The following HS3ST5 variants were observed in gnomAD, a reference collection of about 807,000 sequenced individuals.
HS3ST5 encodes heparan sulfate-glucosamine 3-sulfotransferase 5.
A neutral mutation model predicts 25.4 loss-of-function variants in HS3ST5; 10 were observed. The ratio of observed to expected loss-of-function variants is 0.39; its 90% CI spans 0.24 to 0.67. The LOEUF is 0.67. Among genes scored for constraint, HS3ST5 ranks in the 30% least tolerant of loss-of-function variants. HS3ST5 has a pLI of 0.44. For missense variants in HS3ST5, 324 were observed against 420.7 expected, an observed-to-expected ratio of 0.77 and a Z score of 2.01; for synonymous variants, 170 against 162.4, an observed-to-expected ratio of 1.05 and a Z score of -0.36.
chr6:114,200,485 C>T (rs1213733811), intron 2 of HS3ST5, among the ~76,000 whole-genome samples: 1 of 152,194 alleles, frequency 6.6e-6, no homozygotes, highest in African/African-American at 2.4e-5. Context: ...TAACGAGCAT[C>T]ACATTTTGGT....
chr6:114,248,217 A>AAAAAAT lies in HS3ST5; in HGVS notation c.-338-19440_-338-19439insATTTTT, dbSNP rs779273890. 7.7e-5 allele frequency among the ~76,000 whole-genome samples: 11 copies of AAAAAAT among 143,154 alleles called. No individual in the cohort carries two copies. The South Asian group carries it at 1.7e-3, about 23-fold the overall frequency. The allele number at this position is 143,154 out of a possible 152,430, so 93.9% of individuals were successfully genotyped here. On this transcript the variant is annotated intron_variant, in intron 1 of 4. Transcript: ENST00000312719. ...TTCCATCTCAAAAAATGAAAAAAAAAATATATATATATATATATATAAAAT... is the reference window on the plus strand; with the variant it reads ...TTCCATCTCAAAAAATGAAAAAAAAAAAAAATATATATATATATATATATATAAAAT...
intron 3 of HS3ST5, among the ~76,000 whole-genome samples, chr6:114,080,711 A>G (rs961275531): frequency 3.9e-5 from 6 of 152,216 alleles, no homozygotes; most frequent in African/African-American, 1.4e-4. Context: ...TGTCTCACTT[A>G]TAAGTGGGAG....
intron 2 of HS3ST5, among the ~76,000 whole-genome samples, chr6:114,222,483 A>G (rs1273908084): frequency 6.6e-6 from 1 of 151,878 alleles, no homozygotes; most frequent in Admixed American, 6.6e-5. Flanking sequence ...TCACTGTACA[A>G]TGCACAACTC....
intron 3 of HS3ST5, among the ~76,000 whole-genome samples, chr6:114,128,940 G>A (rs908546308): frequency 4.6e-5 from 7 of 152,186 alleles, no homozygotes; most frequent in Non-Finnish European, 1.0e-4. Context: ...AAAAGCTGCT[G>A]ATAAATTCTC....
At chr6:114,140,862 A>G (rs1777869707) in intron 3 of HS3ST5, among the ~76,000 whole-genome samples, 1 of 152,164 alleles carries the variant, frequency 6.6e-6, no homozygotes, top group Non-Finnish European at 1.5e-5. Flanking sequence ...CTAGTTATGT[A>G]ATTTTTTTTT....
intron 3 of HS3ST5, among the ~76,000 whole-genome samples, chr6:114,106,379 A>G (rs944604959): frequency 6.6e-6 from 1 of 152,136 alleles, no homozygotes; most frequent in Non-Finnish European, 1.5e-5. Context: ...TTAGCATTCC[A>G]TAAATGTTCC....
At chr6:114,341,184 G>GAGAGAA (rs1402737389) in intron 1 of HS3ST5, among the ~76,000 whole-genome samples, 16 of 136,056 alleles carry the variant, frequency 1.2e-4, no homozygotes, top group African/African-American at 4.3e-4. Flanking sequence ...GGGAGAGGGA[G>GAGAGAA]AGGGAGAGGG....
chr6:114,058,220 C>T (rs778722068), intron 4 of HS3ST5, 30 bp from the exon 5 acceptor site: 6 of 1,518,210 alleles, frequency 4.0e-6, no homozygotes, highest in South Asian at 1.2e-5. Flanking sequence ...ACTTTAAGCT[C>T]ATTGCAACTA....
At chr6:114,255,278 C>A (rs1407253953) in intron 1 of HS3ST5, among the ~76,000 whole-genome samples, 1 of 152,244 alleles carries the variant, frequency 6.6e-6, no homozygotes, top group Non-Finnish European at 1.5e-5. Context: ...ACATCCAGGT[C>A]ACACTGATGT....
chr6:114,271,911 C>G (rs1344597273), intron 1 of HS3ST5, among the ~76,000 whole-genome samples: 2 of 152,048 alleles, frequency 1.3e-5, no homozygotes, highest in African/African-American at 2.4e-5. Context: ...TTCTTTTTCT[C>G]AAATCTTCCA....
At chr6:114,060,991 C>G (rs1773085382) in intron 4 of HS3ST5, among the ~76,000 whole-genome samples, 1 of 152,172 alleles carries the variant, frequency 6.6e-6, no homozygotes, top group Admixed American at 6.5e-5. Context: ...GCAGGGTCTT[C>G]AGTTACTGGA....
rs553847035 is a variant in HS3ST5, at chr6:114,115,686, T to G, written c.-33+52665A>C. ...GAAAGACACTAAATAAAATCAGAAG[T>G]TGAACTATTTGAAGGAAGTTCTCTT... On this transcript the variant is annotated intron_variant, in intron 3 of 4. Transcript: ENST00000312719. Among the ~76,000 whole-genome samples, 92 of 152,274 alleles carry G rather than the reference T, an allele frequency of 6.0e-4. 1 individual carries two copies. Among genetic ancestry groups the G allele is most frequent in the African/African-American group, 2.0e-3 (84 of 41,582 alleles).
chr6:114,259,456 T>C (rs1237682723), intron 1 of HS3ST5, among the ~76,000 whole-genome samples: 2 of 152,232 alleles, frequency 1.3e-5, no homozygotes, highest in Non-Finnish European at 1.5e-5. Context: ...TATCTCTCGC[T>C]GTTTGGTGTC....
chr6:114,185,452 A>C (rs539385002), intron 2 of HS3ST5, among the ~76,000 whole-genome samples: 129 of 152,310 alleles, frequency 8.5e-4, no homozygotes, highest in African/African-American at 3.1e-3. Context: ...TTGGACTTTC[A>C]GCTTCCAGAA....
At chr6:114,265,177 C>T (rs1174937267) in intron 1 of HS3ST5, among the ~76,000 whole-genome samples, 1 of 152,038 alleles carries the variant, frequency 6.6e-6, no homozygotes, top group African/African-American at 2.4e-5. Context: ...AAGCCACCTC[C>T]CGGCCAGGAA....
chr6:114,187,102 T>G (rs538636856), intron 2 of HS3ST5, among the ~76,000 whole-genome samples: 6 of 152,344 alleles, frequency 3.9e-5, no homozygotes, highest in Non-Finnish European at 8.8e-5. Flanking sequence ...AGAGTTCTGA[T>G]GGTGATATAC....
intron 2 of HS3ST5, among the ~76,000 whole-genome samples, chr6:114,184,443 A>G (rs1217917420): frequency 6.6e-6 from 1 of 152,158 alleles, no homozygotes; most frequent in Non-Finnish European, 1.5e-5. Context: ...CATGGACTTA[A>G]TTAACTACCC....
At chr6:114,257,282 T>C (rs527375004) in intron 1 of HS3ST5, among the ~76,000 whole-genome samples, 2 of 152,170 alleles carry the variant, frequency 1.3e-5, no homozygotes, top group Admixed American at 6.5e-5. Context: ...CGTAGAAAAA[T>C]AAGAAAAATT....
intron 2 of HS3ST5, among the ~76,000 whole-genome samples, chr6:114,174,226 AT>A (rs1204890386): frequency 6.6e-6 from 1 of 151,864 alleles, no homozygotes; most frequent in Non-Finnish European, 1.5e-5. Context: ...CTCAGCTTGG[AT>A]GTCACTTTCC....
Sources: allele counts gnomAD v4.1 joint callset (sites outside exome capture counted in the v4.1 genomes callset), GRCh38; gene constraint gnomAD v4.1.1; transcripts MANE v1.5; gene names NCBI Gene and HGNC (gene_info 2026-07-23, HGNC 2026-07-21).